CFDP1: variants seen among roughly 807,000 people sequenced by gnomAD.
CFDP1 encodes the protein chromatin remodeling protein CFDP1, also known as heterochromatin-stabilizing protein CFDP1.
CFDP1 carries 31 observed loss-of-function variants against 40.1 expected under a neutral mutation model. That is an observed-to-expected ratio of 0.77 (90% CI 0.58 to 1.04). The LOEUF is 1.04. Among genes scored for constraint, CFDP1 ranks in the 50% least tolerant of loss-of-function variants. The pLI, the probability that CFDP1 is intolerant of heterozygous loss-of-function variation, is 0.00. For missense variants in CFDP1, 423 were observed against 343.4 expected, an observed-to-expected ratio of 1.23 and a Z score of -1.83; for synonymous variants, 167 against 120.0, an observed-to-expected ratio of 1.39 and a Z score of -2.56.
intron 1 of CFDP1, among the ~76,000 whole-genome samples, chr16:75,422,153 A>G (rs2079287589): frequency 6.6e-6 from 1 of 151,788 alleles, no homozygotes; most frequent in East Asian, 1.9e-4. Flanking sequence ...CTGGAGTGCA[A>G]TGGTGCGATC....
At chr16:75,399,935 C>T (rs2079034506) in intron 4 of CFDP1, among the ~76,000 whole-genome samples, 1 of 151,332 alleles carries the variant, frequency 6.6e-6, no homozygotes, top group South Asian at 2.1e-4. Flanking sequence ...AACCCCATCT[C>T]TATCAAAAAT....
At chr16:75,387,418 G>A (rs982090283) in intron 5 of CFDP1, among the ~76,000 whole-genome samples, 1 of 152,210 alleles carries the variant, frequency 6.6e-6, no homozygotes, top group African/African-American at 2.4e-5. Flanking sequence ...TGGGATTACA[G>A]GCGTGAGCCA....
intron 1 of CFDP1, among the ~76,000 whole-genome samples, chr16:75,420,034 A>T (rs1467124177): frequency 6.8e-6 from 1 of 146,270 alleles, no homozygotes; most frequent in Non-Finnish European, 1.5e-5. Flanking sequence ...GGTAACAGGT[A>T]GTCTCAGCTA....
chr16:75,419,940 T>G (rs528050540), intron 1 of CFDP1, among the ~76,000 whole-genome samples: 4 of 152,058 alleles, frequency 2.6e-5, no homozygotes, highest in Non-Finnish European at 5.9e-5. Flanking sequence ...TTGTTTTTAC[T>G]TTTCTGTATG....
chr16:75,335,470 C>T (rs1429031309), intron 5 of CFDP1, among the ~76,000 whole-genome samples: 1 of 152,002 alleles, frequency 6.6e-6, no homozygotes, highest in Admixed American at 6.6e-5. Flanking sequence ...AGATTCTCTG[C>T]ATATACAATC....
At chr16:75,353,546 G>A (rs976011693) in intron 5 of CFDP1, among the ~76,000 whole-genome samples, 2 of 151,918 alleles carry the variant, frequency 1.3e-5, no homozygotes, top group African/African-American at 4.8e-5. Context: ...CAGATCACAA[G>A]GTCAGGAGAT....
chr16:75,398,039 C>T (rs2079012382), intron 4 of CFDP1, among the ~76,000 whole-genome samples: 1 of 152,196 alleles, frequency 6.6e-6, no homozygotes, highest in Non-Finnish European at 1.5e-5. Flanking sequence ...GGCAGAAAGA[C>T]ACATGCTGTA....
chr16:75,354,300 A>T (rs1323508531), intron 5 of CFDP1, among the ~76,000 whole-genome samples: 2 of 152,184 alleles, frequency 1.3e-5, no homozygotes, highest in Non-Finnish European at 2.9e-5. Context: ...GTCAAGGAAC[A>T]TGTGTAGTAA....
At chr16:75,323,399 T>C (rs2078379591) in intron 5 of CFDP1, among the ~76,000 whole-genome samples, 1 of 151,914 alleles carries the variant, frequency 6.6e-6, no homozygotes, top group Non-Finnish European at 1.5e-5. Context: ...ATGGAATCCT[T>C]CCTGAAGGAC....
chr16:75,349,698 T>TAC lies in CFDP1; in HGVS notation c.651-44518_651-44517dup, dbSNP rs59850763. ...AAAAAAAAAAAAAAAAAAATATATA[T>TAC]ACATACATATATACGGTTGATTTTT... On this transcript the variant is annotated intron_variant, in intron 5 of 6. Transcript: ENST00000283882. 1.1e-3 allele frequency among the ~76,000 whole-genome samples: 51 copies of TAC among 47,898 alleles called. 11 individuals are homozygous for TAC. The highest frequency in any genetic ancestry group is 1.1e-3 in the African/African-American group (10 of 9,170). The allele number at this position is 47,898 out of a possible 152,430, so 31.4% of individuals were successfully genotyped here.
chr16:75,354,854 A>G (rs138150166), intron 5 of CFDP1, among the ~76,000 whole-genome samples: 1 of 152,192 alleles, frequency 6.6e-6, no homozygotes, highest in Non-Finnish European at 1.5e-5. Flanking sequence ...CTTAATTTTG[A>G]CAAATGTACC....
At chr16:75,377,982 T>C (rs2078816447) in intron 5 of CFDP1, among the ~76,000 whole-genome samples, 1 of 152,188 alleles carries the variant, frequency 6.6e-6, no homozygotes, top group Non-Finnish European at 1.5e-5. Flanking sequence ...TCAAAATCCC[T>C]TAGATACATT....
intron 2 of CFDP1, among the ~76,000 whole-genome samples, chr16:75,414,355 A>G (rs181272285): frequency 2.5e-4 from 38 of 152,342 alleles, no homozygotes; most frequent in African/African-American, 8.7e-4. Context: ...TTCTAACCAT[A>G]TGTACATATT....
chr16:75,400,498 T>A (rs72787147), intron 4 of CFDP1, among the ~76,000 whole-genome samples: 1 of 152,068 alleles, frequency 6.6e-6, no homozygotes, highest in African/African-American at 2.4e-5. Context: ...CTAAAACCAG[T>A]TGGAATTATC....
chr16:75,404,289 G>A lies in CFDP1; in HGVS notation c.530+7536C>T, dbSNP rs374158277. On this transcript the variant is annotated intron_variant, in intron 4 of 6. Coordinates refer to ENST00000283882, the MANE Select transcript of CFDP1 (RefSeq NM_006324.3). Reference sequence around the variant, plus strand: ...CTTGCTCTGTTGCCCAGGCTGGAGTGCAGTGGCACGATCTCGGCTCACTGC... The same window carrying A: ...CTTGCTCTGTTGCCCAGGCTGGAGTACAGTGGCACGATCTCGGCTCACTGC... 9.9e-3 allele frequency among the ~76,000 whole-genome samples: 1,460 copies of A among 148,034 alleles called. 29 individuals carry two copies. The highest frequency in any genetic ancestry group is 0.034 in the African/African-American group (1,381 of 40,242).
intron 1 of CFDP1, among the ~76,000 whole-genome samples, chr16:75,429,393 C>A (rs1364044507): frequency 1.3e-5 from 2 of 152,218 alleles, no homozygotes; most frequent in South Asian, 4.1e-4. Flanking sequence ...GTGGCTCACG[C>A]CTGTAATCCC....
intron 1 of CFDP1, among the ~76,000 whole-genome samples, chr16:75,425,660 GA>G (rs781180298): frequency 0.062 from 6,004 of 97,618 alleles, 113 homozygotes; most frequent in African/African-American, 0.072. Flanking sequence ...AGATGCAAAA[GA>G]AAAAAAAAAA....
At chr16:75,420,812 T>C (rs190292690) in intron 1 of CFDP1, among the ~76,000 whole-genome samples, 319 of 152,334 alleles carry the variant, frequency 2.1e-3, no homozygotes, top group Admixed American at 3.4e-3. Flanking sequence ...CACTAAAGGA[T>C]TGACATGATA....
intron 1 of CFDP1, among the ~76,000 whole-genome samples, chr16:75,430,920 A>T (rs905031096): frequency 6.6e-6 from 1 of 152,206 alleles, no homozygotes; most frequent in African/African-American, 2.4e-5. Context: ...TCATGGCCCA[A>T]AACAGTCTCT....
Sources: allele counts gnomAD v4.1 joint callset (sites outside exome capture counted in the v4.1 genomes callset), GRCh38; gene constraint gnomAD v4.1.1; transcripts MANE v1.5; gene names NCBI Gene and HGNC (gene_info 2026-07-23, HGNC 2026-07-21).